The following VPS13D variants were observed in gnomAD, a reference collection of about 807,000 sequenced individuals.
VPS13D encodes vacuolar protein sorting 13 homolog D.
Under a neutral mutation model 461.9 loss-of-function variants are expected in VPS13D, and 187 were observed. The ratio of observed to expected loss-of-function variants is 0.40; its 90% CI spans 0.36 to 0.46. VPS13D has a LOEUF of 0.46. VPS13D is among the 20% of genes least tolerant of loss of function. The pLI is 0.60. For synonymous variants in VPS13D, 1,951 were observed against 1,986.3 expected, an observed-to-expected ratio of 0.98 and a Z score of 0.47; for missense variants, 4,711 against 5,364.9, an observed-to-expected ratio of 0.88 and a Z score of 3.81.
intron 57 of VPS13D, among the ~76,000 whole-genome samples, chr1:12,381,922 T>TTTTCTTTTTTC (rs71570104): frequency 9.9e-6 from 1 of 101,168 alleles, no homozygotes; most frequent in Non-Finnish European, 2.1e-5. Flanking sequence ...CTTTCTTTTC[T>TTTTCTTTTTTC]TTTCTTTCTT....
At chr1:12,286,710 C>T (rs1037441946) in intron 21 of VPS13D, among the ~76,000 whole-genome samples, 1 of 152,166 alleles carries the variant, frequency 6.6e-6, no homozygotes, top group African/African-American at 2.4e-5. Flanking sequence ...AGGCATACAA[C>T]GTCTGATCAT....
rs72868280 is a variant in VPS13D at position 12,424,527 on chromosome 1, C to T, written c.12333+7700C>T. On this transcript the variant is annotated intron_variant, in intron 65 of 69. Coordinates refer to ENST00000620676, the MANE Select transcript of VPS13D (RefSeq NM_015378.4). ...CAAGTGACCAAAATTCACAGGCAGT[C>T]CCCATGTACCTCACTGAGCAGCCTC... is the stretch of plus-strand genomic sequence containing the variant. Among the ~76,000 whole-genome samples, 653 of 152,232 alleles carry T rather than the reference C, an allele frequency of 4.3e-3. 5 individuals are homozygous for T. Among genetic ancestry groups the T allele is most frequent in the African/African-American group, 0.015 (613 of 41,534 alleles).
Position 12,345,472 on chromosome 1 carries a change from G to C in VPS13D, c.8984G>C (p.Arg2995Pro). 1 of 1,613,626 alleles carries C rather than the reference G, an allele frequency of 6.2e-7. No homozygotes were observed. The highest frequency in any genetic ancestry group is 8.5e-7 in the Non-Finnish European group (1 of 1,179,650). Reference protein sequence around the residue: ...VSVDKVGTFFRYAAPDKNSSS... With the variant: ...VSVDKVGTFFPYAAPDKNSSS... ...GTGGACAAAGTCGGGACCTTTTTTC[G>C]ATATGCAGCACCAGATAAAAATTCA... The change falls in exon 43 of 70, where the codon CGA becomes CCA. Residue 2995 changes from arginine to proline, a missense_variant. Physicochemically the swap from Arg to Pro is moderately radical, Grantham distance 103 (BLOSUM62 -2). This residue lies in a region of VPS13D where 4,411 missense variants were observed against 4,937.8 expected (regional missense o/e 0.89). Transcript: ENST00000620676.
intron 67 of VPS13D, among the ~76,000 whole-genome samples, chr1:12,466,407 G>A (rs530960579): frequency 6.6e-6 from 1 of 152,304 alleles, no homozygotes; most frequent in Non-Finnish European, 1.5e-5. Flanking sequence ...CAGGAGACTA[G>A]GCTGATATCC....
chr1:12,475,063 G>A (rs1448707754), intron 67 of VPS13D, among the ~76,000 whole-genome samples: 1 of 152,160 alleles, frequency 6.6e-6, no homozygotes, highest in Non-Finnish European at 1.5e-5. Flanking sequence ...TTGTGCGGAA[G>A]TGGCAGCAGT....
At position 12,332,422 on chromosome 1, in the gene VPS13D, A is replaced by G. The variant is rs543723806; in HGVS notation, c.8288-804A>G. On this transcript the variant is annotated intron_variant, in intron 37 of 69. Coordinates refer to ENST00000620676, the MANE Select transcript of VPS13D (RefSeq NM_015378.4). ...GTCAATGTGATGTAGCAGTATGCTC[A>G]ACAGTATGCTCAAAGACATATTGGT... Among the ~76,000 whole-genome samples, 331 of 152,368 alleles carry G rather than the reference A, an allele frequency of 2.2e-3. 3 individuals are homozygous for G. Among genetic ancestry groups the G allele is most frequent in the African/African-American group, 7.5e-3 (311 of 41,590 alleles).
chr1:12,310,802 TCC>T (rs1642718035), intron 27 of VPS13D, among the ~76,000 whole-genome samples: 7 of 98,538 alleles, frequency 7.1e-5, no homozygotes, highest in African/African-American at 2.0e-4. Context: ...CTTCCCTCCC[TCC>T]CTCCCTCCCT....
At chr1:12,421,217 A>C (rs1450910721) in intron 65 of VPS13D, among the ~76,000 whole-genome samples, 1 of 152,168 alleles carries the variant, frequency 6.6e-6, no homozygotes, top group African/African-American at 2.4e-5. Flanking sequence ...CATCTAACCC[A>C]TGACTCCCCT....
chr1:12,305,164 G>C (rs1450606221), intron 26 of VPS13D, among the ~76,000 whole-genome samples: 1 of 152,216 alleles, frequency 6.6e-6, no homozygotes, highest in African/African-American at 2.4e-5. Flanking sequence ...AAATGCTGTA[G>C]CACAGAGTTT....
chr1:12,368,758 G>C (rs1644074228), intron 53 of VPS13D, among the ~76,000 whole-genome samples, 167 bp downstream of exon 53: 1 of 152,200 alleles, frequency 6.6e-6, no homozygotes, highest in Admixed American at 6.5e-5. Flanking sequence ...ACCATTAAGA[G>C]GTGTTTTCTG....
Position 12,363,062 on chromosome 1 carries a change from T to C in VPS13D, c.10273-10T>C. Reference sequence around the variant, plus strand: ...TTGTTGACTAAAGCCTGTGATCCTATGTGTTTTAGGGAACAGCCAATCCCG... The same window carrying C: ...TTGTTGACTAAAGCCTGTGATCCTACGTGTTTTAGGGAACAGCCAATCCCG... On this transcript the variant is annotated splice_polypyrimidine_tract_variant and intron_variant, in intron 51 of 69. Coordinates refer to ENST00000620676, the MANE Select transcript of VPS13D (RefSeq NM_015378.4). 1 of 1,613,704 alleles carries C rather than the reference T, an allele frequency of 6.2e-7. No individual in the cohort carries two copies. The highest frequency in any genetic ancestry group is 8.5e-7 in the Non-Finnish European group (1 of 1,179,748).
chr1:12,301,493 G>A (rs764707735), intron 25 of VPS13D, among the ~76,000 whole-genome samples: 1 of 152,176 alleles, frequency 6.6e-6, no homozygotes, highest in East Asian at 1.9e-4. Flanking sequence ...AGGTGCATAG[G>A]GCGAGACCCC....
chr1:12,451,332 T>G (rs138715154), intron 65 of VPS13D, among the ~76,000 whole-genome samples: 32 of 152,348 alleles, frequency 2.1e-4, no homozygotes, highest in Non-Finnish European at 4.1e-4. Flanking sequence ...TCTGAGATTT[T>G]TACCCCCTTG....
intron 65 of VPS13D, among the ~76,000 whole-genome samples, chr1:12,424,960 TG>T (rs1644906313): frequency 6.6e-6 from 1 of 152,180 alleles, no homozygotes; most frequent in Non-Finnish European, 1.5e-5. Context: ...AAAGGAATCA[TG>T]TGTTCAAGCT....
chr1:12,342,356 AC>A (rs1557720822), intron 41 of VPS13D, among the ~76,000 whole-genome samples: 1 of 152,232 alleles, frequency 6.6e-6, no homozygotes, highest in African/African-American at 2.4e-5. Flanking sequence ...AGTTTGGAGA[AC>A]AAAGGAGACT....
intron 69 of VPS13D, 134 bp from the exon 70 acceptor site, chr1:12,508,759 T>A: frequency 1.1e-6 from 1 of 942,102 alleles, no homozygotes; most frequent in South Asian, 2.0e-5. Context: ...GGAGCAGCCC[T>A]GGCCATCACT....
At position 12,253,829 on chromosome 1, in the gene VPS13D, A is replaced by C; in HGVS notation, c.669+3A>C. ...ATTTGCCTCAGATGGAGTTACAGGT[A>C]CGATTTCGGCAGGGAGATTTGTTGC... is the stretch of plus-strand genomic sequence containing the variant. On this transcript the variant is annotated splice_donor_region_variant and intron_variant, in intron 7 of 69. Transcript: ENST00000620676. The C allele has an allele frequency of 6.2e-7, 1 of 1,612,992 alleles. No individual in the cohort carries two copies. The highest frequency in any genetic ancestry group is 1.3e-5 in the African/African-American group (1 of 75,026).
intron 67 of VPS13D, among the ~76,000 whole-genome samples, chr1:12,470,527 C>G (rs540834328): frequency 6.6e-6 from 1 of 152,314 alleles, no homozygotes; most frequent in East Asian, 1.9e-4. Context: ...TTGGGATATT[C>G]AGATCCATCA....
chr1:12,256,514 T>C lies in VPS13D; in HGVS notation c.840+11T>C, dbSNP rs745715430. On this transcript the variant is annotated intron_variant, in intron 8 of 69. Transcript: ENST00000620676. ...TTGAAACTCTCTCAGGTATGCCCTT[T>C]CTTCTCAGTGGCATCTACTTACTGT... 1 of 1,613,278 alleles carries C rather than the reference T, an allele frequency of 6.2e-7. No individual in the cohort carries two copies. The highest frequency in any genetic ancestry group is 1.7e-5 in the Admixed American group (1 of 59,920).
Sources: gnomAD v4.1 joint callset for allele counts (sites outside exome capture counted in the v4.1 genomes callset) on GRCh38, gnomAD v4.1.1 for gene constraint, gnomAD v4.1.1 regional missense constraint, MANE v1.5 for transcripts, NCBI Gene and HGNC (gene_info 2026-07-23, HGNC 2026-07-21) for gene names.